Variants in PAK2 observed in about 807,000 individuals in gnomAD.
PAK2 encodes p21 (RAC1) activated kinase 2.
In PAK2, 21 loss-of-function variants were observed where a neutral mutation model predicts 65.9. That is an observed-to-expected ratio of 0.32 (90% confidence interval 0.23 to 0.46). The LOEUF (loss-of-function observed/expected upper bound fraction) is 0.46. PAK2 is among the 20% of genes least tolerant of loss of function. The pLI is 1.00. For synonymous variants in PAK2, 204 were observed against 219.7 expected, an observed-to-expected ratio of 0.93 and a Z score of 0.63; for missense variants, 324 against 642.6, an observed-to-expected ratio of 0.50 and a Z score of 5.36.
At chr3:196,744,600 C>T (rs943618665) in intron 1 of PAK2, among the ~76,000 whole-genome samples, 1 of 151,046 alleles carries the variant, frequency 6.6e-6, no homozygotes, top group Non-Finnish European at 1.5e-5. Flanking sequence ...GAAGTACCTA[C>T]CCGCTGTTAA....
intron 13 of PAK2, among the ~76,000 whole-genome samples, chr3:196,822,187 C>G (rs889333412): frequency 4.6e-5 from 7 of 152,164 alleles, no homozygotes; most frequent in African/African-American, 1.7e-4. Flanking sequence ...ATTCATTTAG[C>G]CAGTATTGGT....
rs562587096 is a variant in PAK2 at position 196,815,527 on chromosome 3, G to A, written c.1053+959G>A. ...AAAGAGGCTGGGTACAGTGTCTCTC[G>A]CCTGTAATACCAGCACTTTGGGAGG... On this transcript the variant is annotated intron_variant, in intron 11 of 14. Coordinates refer to ENST00000327134, the MANE Select transcript of PAK2 (RefSeq NM_002577.4). Among the ~76,000 whole-genome samples, 315 of 151,190 alleles carry A rather than the reference G, an allele frequency of 2.1e-3. 1 individual carries two copies. Among genetic ancestry groups the A allele is most frequent in the Non-Finnish European group, 3.1e-3 (213 of 67,856 alleles).
At chr3:196,748,400 T>C (rs1331091276) in intron 1 of PAK2, among the ~76,000 whole-genome samples, 1 of 152,124 alleles carries the variant, frequency 6.6e-6, no homozygotes, top group African/African-American at 2.4e-5. Flanking sequence ...ATTCAGTGGG[T>C]TTTGACAAAT....
chr3:196,766,831 A>G (rs112419276), intron 1 of PAK2, among the ~76,000 whole-genome samples: 1,525 of 148,510 alleles, frequency 0.01, 21 homozygotes, highest in African/African-American at 0.036. Flanking sequence ...ATATCAGATC[A>G]TCATGTTGAA....
chr3:196,775,497 C>T (rs1393237770), intron 1 of PAK2, among the ~76,000 whole-genome samples: 1 of 152,112 alleles, frequency 6.6e-6, no homozygotes, highest in African/African-American at 2.4e-5. Context: ...ATTCTCCTGC[C>T]TCAGCCTCCC....
chr3:196,759,451 T>G (rs1342277245), intron 1 of PAK2, among the ~76,000 whole-genome samples: 1 of 149,734 alleles, frequency 6.7e-6, no homozygotes, highest in Non-Finnish European at 1.5e-5. Context: ...GATATTCATA[T>G]ACAGTAAAAT....
rs1329116225 is a variant in PAK2, at chr3:196,830,837, A to G, written c.*2432A>G. On this transcript the variant is annotated 3_prime_UTR_variant, in exon 15 of 15. Transcript: ENST00000327134. ...AATTGTGATTTATTAATTTTAAAAC[A>G]TTCAGAACTTGTTGAAAGAAAAATT... The G allele has an allele frequency of 6.6e-6, 1 of 152,198 alleles. No individual in the cohort carries two copies. The highest frequency in any genetic ancestry group is 2.4e-5 in the African/African-American group (1 of 41,448). 9.4% of individuals were successfully genotyped at this position (152,198 alleles called of 1,614,324 possible).
chr3:196,821,684 A>G (rs1000869908), intron 13 of PAK2, among the ~76,000 whole-genome samples: 4 of 152,080 alleles, frequency 2.6e-5, no homozygotes, highest in African/African-American at 4.8e-5. Context: ...CTCCGTCTCC[A>G]TAAATAAATA....
rs1004879720 is a variant in PAK2, at chr3:196,823,811, CAAAAAAAAAAA to C, written c.1350+3249_1350+3259del. 3.9e-5 allele frequency among the ~76,000 whole-genome samples: 3 copies of C among 77,016 alleles called. No individual in the cohort carries two copies. In the Admixed American group the frequency reaches 4.7e-4, roughly 12 times the overall value. The allele number at this position is 77,016 out of a possible 152,430, so 50.5% of individuals were successfully genotyped here. On this transcript the variant is annotated intron_variant, in intron 13 of 14. Transcript: ENST00000327134. ...TGGGCGACAGGGAGAGATTCTGTCGCAAAAAAAAAAAAAAAGAAAAAAACACCTTGGCCCAC... is the reference window on the plus strand; with the variant it reads ...TGGGCGACAGGGAGAGATTCTGTCGCAAAAGAAAAAAACACCTTGGCCCAC...
chr3:196,807,476 T>C (rs2108760400), intron 6 of PAK2, among the ~76,000 whole-genome samples: 1 of 152,358 alleles, frequency 6.6e-6, no homozygotes, highest in East Asian at 1.9e-4. Context: ...ACATGATTTT[T>C]AAACCGTGCT....
intron 1 of PAK2, among the ~76,000 whole-genome samples, chr3:196,742,888 C>T (rs577831826): frequency 1.2e-4 from 19 of 152,292 alleles, no homozygotes; most frequent in African/African-American, 3.4e-4. Context: ...CCACTGCACT[C>T]CCGCCTGGGC....
At chr3:196,821,801 A>G (rs963409885) in intron 13 of PAK2, among the ~76,000 whole-genome samples, 1 of 152,252 alleles carries the variant, frequency 6.6e-6, no homozygotes, top group Non-Finnish European at 1.5e-5. Context: ...TGTGAAGTTA[A>G]TACGGAATTA....
At chr3:196,762,257 C>T (rs1310806458) in intron 1 of PAK2, among the ~76,000 whole-genome samples, 5 of 113,414 alleles carry the variant, frequency 4.4e-5, no homozygotes, top group Admixed American at 8.5e-5. Flanking sequence ...AGACGATGGG[C>T]GGCCAGGCAG....
chr3:196,750,746 A>G (rs1317448878), intron 1 of PAK2, among the ~76,000 whole-genome samples: 1 of 115,262 alleles, frequency 8.7e-6, no homozygotes, highest in East Asian at 2.0e-4. Flanking sequence ...TTAAAACCTA[A>G]AATAAAGTTT....
chr3:196,767,696 A>G (rs993088682), intron 1 of PAK2, among the ~76,000 whole-genome samples: 4 of 151,984 alleles, frequency 2.6e-5, no homozygotes, highest in African/African-American at 7.3e-5. Flanking sequence ...GGGTTTCATC[A>G]TGTTAGCCAG....
In PAK2 at chr3:196,809,338, T is replaced by C. The variant is rs1428084823; in HGVS notation, c.710-1252T>C. Reference sequence around the variant, plus strand: ...TATAAACCTGGCTCTTACTCTGTTATTATTATTATCTTTTTTTTTTTTTTT... The same window carrying C: ...TATAAACCTGGCTCTTACTCTGTTACTATTATTATCTTTTTTTTTTTTTTT... On this transcript the variant is annotated intron_variant, in intron 7 of 14. Transcript: ENST00000327134. Among the ~76,000 whole-genome samples the C allele has an allele frequency of 4.9e-5, 7 of 141,660 alleles. No individual in the cohort carries two copies. In the South Asian group the frequency reaches 1.6e-3, roughly 31 times the overall value. 92.9% of individuals were successfully genotyped at this position (141,660 alleles called of 152,430 possible). A position where few individuals can be genotyped will look rare whatever the true frequency, so the allele number is the denominator to read the frequency against.
In PAK2 at chr3:196,830,662, A is replaced by G. The variant is rs1164514936; in HGVS notation, c.*2257A>G. On this transcript the variant is annotated 3_prime_UTR_variant, in exon 15 of 15. Transcript: ENST00000327134. Reference sequence around the variant, plus strand: ...GTTACCTGCACGTCCATTGCTGGCAACTGACTTGTCATTAAAACCTGGCTC... The same window carrying G: ...GTTACCTGCACGTCCATTGCTGGCAGCTGACTTGTCATTAAAACCTGGCTC... 6.6e-6 allele frequency: 1 copy of G among 152,164 alleles called. No individual in the cohort carries two copies. Among genetic ancestry groups the G allele is most frequent in the Non-Finnish European group, 1.5e-5 (1 of 68,030 alleles). The allele number at this position is 152,164 out of a possible 1,614,324, so 9.4% of individuals were successfully genotyped here.
At chr3:196,780,970 A>T (rs1385872659) in intron 1 of PAK2, among the ~76,000 whole-genome samples, 1 of 152,058 alleles carries the variant, frequency 6.6e-6, no homozygotes, top group Non-Finnish European at 1.5e-5. Flanking sequence ...TTGTGTGTTT[A>T]GTAGAGACGG....
rs1713125712 is a variant in PAK2 at position 196,739,942 on chromosome 3, G to C, written c.-237G>C. The C allele has an allele frequency of 6.6e-6, 1 of 152,136 alleles. No homozygotes were observed. The allele number at this position is 152,136 out of a possible 1,614,324, so 9.4% of individuals were successfully genotyped here. A position where few individuals can be genotyped will look rare whatever the true frequency, so the allele number is the denominator to read the frequency against. Reference sequence around the variant, plus strand: ...GGCCCGGGCCGTCGCCATTGCCGAAGGCTCCCTCCCCTCCCCTCCCTGGCG... The same window carrying C: ...GGCCCGGGCCGTCGCCATTGCCGAACGCTCCCTCCCCTCCCCTCCCTGGCG... On this transcript the variant is annotated 5_prime_UTR_variant, in exon 1 of 15. Coordinates refer to ENST00000327134, the MANE Select transcript of PAK2 (RefSeq NM_002577.4).
Sources: allele counts gnomAD v4.1 joint callset (sites outside exome capture counted in the v4.1 genomes callset), GRCh38; gene constraint gnomAD v4.1.1; transcripts MANE v1.5; gene names NCBI Gene and HGNC (gene_info 2026-07-23, HGNC 2026-07-21).